The following PAK5 variants were observed in gnomAD, a reference collection of about 807,000 sequenced individuals.
PAK5 encodes the protein p21 (RAC1) activated kinase 5, also known as serine/threonine-protein kinase PAK 5.
Under a neutral mutation model 65.9 loss-of-function variants are expected in PAK5, and 16 were observed. That is an observed-to-expected ratio of 0.24 (90% CI 0.16 to 0.37). The LOEUF (loss-of-function observed/expected upper bound fraction) is 0.37, where lower values mean the gene tolerates loss of function less well. Ranked by LOEUF, PAK5 falls within the 10% of genes least tolerant of loss-of-function variation. The pLI, the probability that PAK5 is intolerant of heterozygous loss-of-function variation, is 1.00. For missense variants in PAK5, 785 were observed against 903.9 expected, an observed-to-expected ratio of 0.87 and a Z score of 1.69; for synonymous variants, 371 against 354.9, an observed-to-expected ratio of 1.05 and a Z score of -0.51.
chr20:9,546,483 G>C (rs1188369768), intron 7 of PAK5, among the ~76,000 whole-genome samples: 1 of 152,094 alleles, frequency 6.6e-6, no homozygotes, highest in African/African-American at 2.4e-5. Context: ...CCATCGCTAG[G>C]GTAGGATGAG....
At chr20:9,769,387 C>T (rs2048808364) in intron 1 of PAK5, among the ~76,000 whole-genome samples, 1 of 152,234 alleles carries the variant, frequency 6.6e-6, no homozygotes, top group African/African-American at 2.4e-5. Flanking sequence ...ACATCCCTGC[C>T]AGTCTGCATA....
intron 3 of PAK5, among the ~76,000 whole-genome samples, chr20:9,590,407 G>C (rs1452382000): frequency 2.6e-5 from 4 of 152,132 alleles, no homozygotes; most frequent in Admixed American, 2.0e-4. Context: ...CCCTCTGCCT[G>C]TTTTTGTAAA....
chr20:9,543,673 C>G (rs565679179), intron 8 of PAK5, among the ~76,000 whole-genome samples: 1 of 152,164 alleles, frequency 6.6e-6, no homozygotes, highest in African/African-American at 2.4e-5. Flanking sequence ...CTATGCCTAG[C>G]CGAAACATAC....
At chr20:9,714,489 G>T (rs564053691) in intron 1 of PAK5, among the ~76,000 whole-genome samples, 1 of 152,196 alleles carries the variant, frequency 6.6e-6, no homozygotes, top group African/African-American at 2.4e-5. Context: ...CAGTGCATTT[G>T]AAAAATGTTT....
rs56706449 is a variant in PAK5, at chr20:9,734,552, G to GCACA, written c.-161-23121_-161-23118dup. Reference sequence around the variant, plus strand: ...GACTGATAGACACACACGCGCACATGCACACACACACACACACACACATAC... The same window carrying GCACA: ...GACTGATAGACACACACGCGCACATGCACACACACACACACACACACACACATAC... On this transcript the variant is annotated intron_variant, in intron 1 of 9. Transcript: ENST00000353224. Among the ~76,000 whole-genome samples the GCACA allele has an allele frequency of 9.7e-3, 1,454 of 149,390 alleles. 30 individuals carry two copies. Among genetic ancestry groups the GCACA allele is most frequent in the African/African-American group, 0.033 (1,352 of 40,648 alleles).
intron 4 of PAK5, among the ~76,000 whole-genome samples, chr20:9,574,846 T>C (rs2045858453): frequency 6.6e-6 from 1 of 152,162 alleles, no homozygotes; most frequent in Non-Finnish European, 1.5e-5. Context: ...CAAGTGCTTC[T>C]CTCTTTCCCC....
intron 1 of PAK5, among the ~76,000 whole-genome samples, chr20:9,749,435 A>G (rs533197999): frequency 6.6e-6 from 1 of 152,278 alleles, no homozygotes; most frequent in Admixed American, 6.5e-5. Flanking sequence ...GAGGTTGAAA[A>G]ATCCTGATGA....
chr20:9,770,355 C>T (rs908427691), intron 1 of PAK5, among the ~76,000 whole-genome samples: 1 of 152,090 alleles, frequency 6.6e-6, no homozygotes, highest in South Asian at 2.1e-4. Context: ...ACAAGAAAAT[C>T]AGCTGAAGGT....
chr20:9,790,417 G>A (rs1461021420), intron 1 of PAK5, among the ~76,000 whole-genome samples: 1 of 151,978 alleles, frequency 6.6e-6, no homozygotes, highest in Admixed American at 6.6e-5. Flanking sequence ...CAAGGCCCAG[G>A]GGAATGCGAG....
At chr20:9,824,608 T>C (rs930842455) in intron 1 of PAK5, among the ~76,000 whole-genome samples, 1 of 152,060 alleles carries the variant, frequency 6.6e-6, no homozygotes, top group African/African-American at 2.4e-5. Flanking sequence ...TGGGATGCTG[T>C]CCCATGTGTA....
intron 8 of PAK5, 105 bp from the exon 9 acceptor site, chr20:9,542,825 T>C: frequency 3.0e-6 from 3 of 983,926 alleles, no homozygotes; most frequent in Non-Finnish European, 4.6e-6. Flanking sequence ...ATGGCACTTG[T>C]AACCTCTCAA....
chr20:9,574,638 C>G (rs186544832), intron 4 of PAK5, among the ~76,000 whole-genome samples: 1 of 152,216 alleles, frequency 6.6e-6, no homozygotes, highest in Admixed American at 6.5e-5. Context: ...GACCAAAATA[C>G]AATTTATTTT....
chr20:9,541,770 G>T (rs1385241182), intron 9 of PAK5, among the ~76,000 whole-genome samples: 1 of 152,124 alleles, frequency 6.6e-6, no homozygotes. Flanking sequence ...TCAAGGGAGG[G>T]ACTTGGTGGA....
At chr20:9,734,010 C>T (rs1294504440) in intron 1 of PAK5, among the ~76,000 whole-genome samples, 1 of 152,198 alleles carries the variant, frequency 6.6e-6, no homozygotes, top group Non-Finnish European at 1.5e-5. Context: ...CATGAGGATG[C>T]TCTCCTTTTA....
intron 1 of PAK5, among the ~76,000 whole-genome samples, chr20:9,734,858 T>C (rs981744266): frequency 2.0e-5 from 3 of 152,132 alleles, no homozygotes; most frequent in African/African-American, 7.2e-5. Flanking sequence ...TGAGAGAAGA[T>C]GCTATGGGAT....
At chr20:9,607,342 G>C (rs112782005) in intron 3 of PAK5, among the ~76,000 whole-genome samples, 1 of 152,208 alleles carries the variant, frequency 6.6e-6, no homozygotes, top group African/African-American at 2.4e-5. Context: ...AAGTGCCAAG[G>C]CCAATATAAA....
intron 3 of PAK5, among the ~76,000 whole-genome samples, chr20:9,632,994 A>T (rs1050730007): frequency 6.6e-6 from 1 of 152,146 alleles, no homozygotes. Flanking sequence ...CTTACCCAAA[A>T]GACGGAGTTA....
At chr20:9,836,025 G>A (rs915890461) in intron 1 of PAK5, among the ~76,000 whole-genome samples, 9 of 152,166 alleles carry the variant, frequency 5.9e-5, no homozygotes, top group African/African-American at 2.2e-4. Context: ...CAGGTCCTGG[G>A]TTGTCTTGGC....
intron 2 of PAK5, among the ~76,000 whole-genome samples, chr20:9,709,761 C>T (rs1018504446): frequency 1.3e-5 from 2 of 152,152 alleles, no homozygotes; most frequent in African/African-American, 4.8e-5. Context: ...CTTAAAATAT[C>T]GTTCAGTTGA....
Sources: gnomAD v4.1 joint callset for allele counts (sites outside exome capture counted in the v4.1 genomes callset) on GRCh38, gnomAD v4.1.1 for gene constraint, MANE v1.5 for transcripts, NCBI Gene and HGNC (gene_info 2026-07-23, HGNC 2026-07-21) for gene names.